The following ANKS1B variants were observed in gnomAD, a reference collection of about 807,000 sequenced individuals.
ANKS1B encodes the protein ankyrin repeat and sterile alpha motif domain containing 1B.
Under a neutral mutation model 148.3 loss-of-function variants are expected in ANKS1B, and 36 were observed. The ratio of observed to expected loss-of-function variants is 0.24; its 90% confidence interval spans 0.19 to 0.32. The LOEUF (loss-of-function observed/expected upper bound fraction) is 0.32. Among genes scored for constraint, ANKS1B ranks in the 10% least tolerant of loss-of-function variants. ANKS1B has a pLI of 1.00. For missense variants in ANKS1B, 1,157 were observed against 1,542.6 expected, an observed-to-expected ratio of 0.75 and a Z score of 4.19; for synonymous variants, 542 against 560.8, an observed-to-expected ratio of 0.97 and a Z score of 0.47.
intron 10 of ANKS1B, among the ~76,000 whole-genome samples, chr12:99,482,350 T>C (rs1179065436): frequency 6.6e-6 from 1 of 152,078 alleles, no homozygotes; most frequent in African/African-American, 2.4e-5. Context: ...GTATTTGGCT[T>C]TATTTCTGGG....
chr12:99,704,798 A>G (rs1248809748), intron 8 of ANKS1B, among the ~76,000 whole-genome samples: 1 of 152,124 alleles, frequency 6.6e-6, no homozygotes, highest in Non-Finnish European at 1.5e-5. Context: ...TTCAAATTAG[A>G]GGAAATTTCA....
At chr12:99,002,801 CTGT>C (rs1452735848) in intron 17 of ANKS1B, among the ~76,000 whole-genome samples, 1 of 151,876 alleles carries the variant, frequency 6.6e-6, no homozygotes, top group African/African-American at 2.4e-5. Flanking sequence ...TTTTTTCATT[CTGT>C]TGTTTCCTTT....
intron 9 of ANKS1B, among the ~76,000 whole-genome samples, chr12:99,513,058 GA>G (rs1249520559): frequency 2.3e-3 from 324 of 140,534 alleles, no homozygotes; most frequent in East Asian, 7.6e-3. Flanking sequence ...AAAGTTGAAA[GA>G]AAAAAAAAAA....
intron 12 of ANKS1B, among the ~76,000 whole-genome samples, chr12:99,283,310 A>G (rs74527357): frequency 1.1e-4 from 17 of 152,274 alleles, no homozygotes; most frequent in African/African-American, 2.9e-4. Context: ...TGGCTCCTCA[A>G]TCAGGTCCTC....
chr12:99,383,342 G>C (rs764256347), intron 12 of ANKS1B, among the ~76,000 whole-genome samples: 1 of 152,146 alleles, frequency 6.6e-6, no homozygotes, highest in African/African-American at 2.4e-5. Context: ...TTTATGTGGC[G>C]ATGAAAATGC....
At chr12:99,820,372 T>C (rs2082361525) in intron 2 of ANKS1B, among the ~76,000 whole-genome samples, 1 of 151,898 alleles carries the variant, frequency 6.6e-6, no homozygotes, top group African/African-American at 2.4e-5. Flanking sequence ...AGGCTTTAGA[T>C]TTTATGTTGG....
At chr12:98,953,918 C>CT (rs1490818577) in intron 17 of ANKS1B, among the ~76,000 whole-genome samples, 1 of 152,140 alleles carries the variant, frequency 6.6e-6, no homozygotes, top group Non-Finnish European at 1.5e-5. Flanking sequence ...TCTTCAAGGT[C>CT]CAGCTCATGT....
chr12:99,319,742 T>C (rs1402589759), intron 12 of ANKS1B, among the ~76,000 whole-genome samples: 1 of 152,090 alleles, frequency 6.6e-6, no homozygotes, highest in Non-Finnish European at 1.5e-5. Context: ...GTTATTTTGC[T>C]AGTTGTTAGT....
rs956063253 is a variant in ANKS1B at position 99,984,785 on chromosome 12, G to C, written c.-548C>G. The C allele has an allele frequency of 6.8e-5, 10 of 147,840 alleles. No homozygotes were observed. The highest frequency in any genetic ancestry group is 2.4e-4 in the African/African-American group (10 of 40,928). The allele number at this position is 147,840 out of a possible 1,614,324, so 9.2% of individuals were successfully genotyped here. A position where few individuals can be genotyped will look rare whatever the true frequency, so the allele number is the denominator to read the frequency against. On this transcript the variant is annotated 5_prime_UTR_variant, in exon 1 of 27. Transcript: ENST00000683438. ...AGCGCGGCGGCGGCGGCGGCGGCTC[G>C]TGCGCTGTGGCCCGCGCCGAGGCAG...
chr12:98,926,556 G>A (rs777571640), intron 17 of ANKS1B, among the ~76,000 whole-genome samples: 4 of 152,152 alleles, frequency 2.6e-5, no homozygotes, highest in Non-Finnish European at 4.4e-5. Context: ...AACTGTCCAT[G>A]GATGTTGGAC....
At chr12:98,827,893 G>T (rs2099262978) in intron 19 of ANKS1B, among the ~76,000 whole-genome samples, 1 of 152,096 alleles carries the variant, frequency 6.6e-6, no homozygotes, top group East Asian at 1.9e-4. Context: ...TGTCATTAGA[G>T]AAATTTAACC....
intron 1 of ANKS1B, among the ~76,000 whole-genome samples, chr12:99,910,827 C>A (rs1481582763): frequency 6.6e-6 from 1 of 152,094 alleles, no homozygotes; most frequent in Non-Finnish European, 1.5e-5. Context: ...TATCAGCCTG[C>A]AGTTTATCCA....
chr12:98,742,734 G>A (rs1020669488), downstream of ANKS1B, among the ~76,000 whole-genome samples: 1 of 152,236 alleles, frequency 6.6e-6, no homozygotes, highest in Non-Finnish European at 1.5e-5. Flanking sequence ...GTCTCTGCCG[G>A]CTTTGGAACC....
chr12:99,227,152 C>T (rs1327298071), intron 14 of ANKS1B, among the ~76,000 whole-genome samples: 2 of 152,068 alleles, frequency 1.3e-5, no homozygotes, highest in East Asian at 3.9e-4. Flanking sequence ...GTGGATTTCT[C>T]ATGAATGGTT....
At chr12:99,426,437 A>C (rs1478136479) in intron 11 of ANKS1B, among the ~76,000 whole-genome samples, 15 of 148,988 alleles carry the variant, frequency 1.0e-4, no homozygotes, top group Admixed American at 9.9e-4. Context: ...TTGGTACTTG[A>C]CTCAATTCAA....
Position 99,212,586 on chromosome 12 carries a change from C to T in ANKS1B, c.2419+31756G>A, listed in dbSNP as rs536014251. Reference sequence around the variant, plus strand: ...CAGTGCCTACTGTATTATGGGTACTCAATAAATGTTCATTGAATGAATATT... The same window carrying T: ...CAGTGCCTACTGTATTATGGGTACTTAATAAATGTTCATTGAATGAATATT... On this transcript the variant is annotated intron_variant, in intron 14 of 26. Coordinates refer to ENST00000683438, the MANE Select transcript of ANKS1B (RefSeq NM_001352186.2). Among the ~76,000 whole-genome samples, 7 of 152,284 alleles carry T rather than the reference C, an allele frequency of 4.6e-5. No homozygotes were observed. The South Asian group carries it at 8.3e-4, about 18-fold the overall frequency.
At chr12:99,965,965 TAAGAAAACAGCAGGTAAACCCA>T (rs1434696968) in intron 1 of ANKS1B, among the ~76,000 whole-genome samples, 2 of 151,848 alleles carry the variant, frequency 1.3e-5, no homozygotes, top group African/African-American at 2.4e-5. Context: ...AATGTAATAA[TAAGAAAACAGCAGGTAAACCCA>T]AAGTGAGGGA....
At chr12:99,828,879 AG>A (rs1295603683) in intron 1 of ANKS1B, among the ~76,000 whole-genome samples, 3 of 152,104 alleles carry the variant, frequency 2.0e-5, no homozygotes, top group Non-Finnish European at 2.9e-5. Context: ...GCTACTTGGG[AG>A]GGTGAGGCAG....
intron 10 of ANKS1B, among the ~76,000 whole-genome samples, chr12:99,465,678 G>A (rs1369783172): frequency 1.3e-5 from 2 of 152,074 alleles, no homozygotes; most frequent in Non-Finnish European, 2.9e-5. Flanking sequence ...AACCAACAAA[G>A]ATCAAAAGAG....
Sources: gnomAD v4.1 joint callset for allele counts (sites outside exome capture counted in the v4.1 genomes callset) on GRCh38, gnomAD v4.1.1 for gene constraint, MANE v1.5 for transcripts, NCBI Gene and HGNC (gene_info 2026-07-23, HGNC 2026-07-21) for gene names.